Variants in COL28A1 observed in about 807,000 individuals in gnomAD.
COL28A1 encodes collagen type XXVIII alpha 1 chain, also known as collagen alpha-1(XXVIII) chain.
A neutral mutation model predicts 150.2 loss-of-function variants in COL28A1; 161 were observed. The observed-to-expected ratio is 1.07, with a 90% CI of 0.94 to 1.22. COL28A1 has a LOEUF of 1.22. COL28A1 is among the 50% of genes most tolerant of loss of function. The probability of loss-of-function intolerance (pLI) is 0.00; values close to 1 mark genes in which losing one functional copy is unlikely to be tolerated. For missense variants in COL28A1, 1,617 were observed against 1,388.3 expected (o/e 1.16, Z -2.62); for synonymous variants, 552 against 469.7 (o/e 1.18, Z -2.26).
At chr7:7,543,629 C>T in the COL28A1 span, among the ~76,000 whole-genome samples, 1 of 152,062 alleles carries the variant, frequency 6.6e-6, no homozygotes. Flanking sequence ...TACCACTATG[C>T]AGGATTTCCA....
chr7:7,542,378 G>T, the COL28A1 span, among the ~76,000 whole-genome samples: 1 of 152,164 alleles, frequency 6.6e-6, no homozygotes, highest in Middle Eastern at 3.2e-3. Flanking sequence ...AGAATGGGTA[G>T]ATGGGTAGAT....
rs565765667 is a variant in COL28A1 at position 7,390,878 on chromosome 7, C to G, written c.2137-9266G>C. ...TTTATTGCATCTATTTGATTCTTCT[C>G]TCTTTTATTGGTCCAGCTAGTGGTC... is the stretch of plus-strand genomic sequence containing the variant. On this transcript the variant is annotated intron_variant, in intron 27 of 34. Transcript: ENST00000399429. 3.1e-3 allele frequency among the ~76,000 whole-genome samples: 469 copies of G among 152,210 alleles called. 2 individuals carry two copies. Among genetic ancestry groups the G allele is most frequent in the Non-Finnish European group, 5.7e-3 (385 of 67,994 alleles).
Position 7,417,923 on chromosome 7 carries a change from T to A in COL28A1, c.2072A>T (p.Asp691Val), listed in dbSNP as rs367822274. 116 of 1,607,506 alleles carry A rather than the reference T, an allele frequency of 7.2e-5. No individual in the cohort carries two copies. The highest frequency in any genetic ancestry group is 7.0e-5 in the Non-Finnish European group (83 of 1,178,058). The change falls in exon 27 of 35, where the codon GAT becomes GTT. Residue 691 changes from aspartate to valine, a missense_variant. Transcript: ENST00000399429. ...GCCAGGCAAGCCTTTCTGCCCAGTA[T>A]CACCCTGTTAGAAGATGGGGAGAAT... ...RGVGTQGPKG[D>V]TGQKGLPGPP...
At position 7,531,559 on chromosome 7, in the gene COL28A1, A is replaced by G. The variant is rs1782355933; in HGVS notation, c.470T>C (p.Leu157Ser). ...ATGGTCGATGCCATCAGTCATCAGC[A>G]AAACCACTTTCACACCATCCTTACG... ...EGRKDGVKVV[L>S]LMTDGIDHPK... The change falls in exon 3 of 35, where the codon TTG becomes TCG. Residue 157 changes from leucine (L) to serine (S), a missense_variant. Leu to Ser is a moderately radical substitution (Grantham distance 145, BLOSUM62 -2). Transcript: ENST00000399429. 1.2e-6 allele frequency: 2 copies of G among 1,609,778 alleles called. No homozygotes were observed. Among genetic ancestry groups the G allele is most frequent in the Admixed American group, 3.3e-5 (2 of 59,976 alleles).
At chr7:7,357,635 G>A (rs1465085472), downstream of COL28A1, 1 of 146,802 alleles carries the variant, frequency 6.8e-6, no homozygotes, top group African/African-American at 2.5e-5. Flanking sequence ...CTCCAGCCTG[G>A]ATGACAGAGC....
chr7:7,481,639 G>A (rs1779328967), intron 13 of COL28A1, among the ~76,000 whole-genome samples: 1 of 152,120 alleles, frequency 6.6e-6, no homozygotes, highest in Non-Finnish European at 1.5e-5. Flanking sequence ...AACACAGCCT[G>A]ATCAGTGAAA....
Position 7,372,442 on chromosome 7 carries a change from T to TAAATAAATAAAA in COL28A1, c.2908+555_2908+556insTTTTATTTATTT, listed in dbSNP as rs1554260229. Reference sequence around the variant, plus strand: ...ATAAATAAATAAATAAATAAATAAATGGTTGTTCTTTTGAGATAAATTCCC... The same window carrying TAAATAAATAAAA: ...ATAAATAAATAAATAAATAAATAAATAAATAAATAAAAGGTTGTTCTTTTGAGATAAATTCCC... On this transcript the variant is annotated intron_variant, in intron 32 of 34. Coordinates refer to ENST00000399429, the MANE Select transcript of COL28A1 (RefSeq NM_001037763.3). Among the ~76,000 whole-genome samples the TAAATAAATAAAA allele has an allele frequency of 2.7e-3, 382 of 143,896 alleles. 5 individuals are homozygous for TAAATAAATAAAA. Among genetic ancestry groups the TAAATAAATAAAA allele is most frequent in the African/African-American group, 0.011 (359 of 33,988 alleles). The allele number at this position is 143,896 out of a possible 152,430, so 94.4% of individuals were successfully genotyped here. A position where few individuals can be genotyped will look rare whatever the true frequency, so the allele number is the denominator to read the frequency against.
intron 25 of COL28A1, among the ~76,000 whole-genome samples, chr7:7,428,682 T>A (rs913526536): frequency 6.6e-6 from 1 of 152,114 alleles, no homozygotes; most frequent in African/African-American, 2.4e-5. Flanking sequence ...AGCCAGGAGA[T>A]TGGATCCAGG....
intron 3 of COL28A1, among the ~76,000 whole-genome samples, chr7:7,530,781 A>C (rs1002083903): frequency 6.6e-6 from 1 of 152,206 alleles, no homozygotes; most frequent in Non-Finnish European, 1.5e-5. Flanking sequence ...ATGATTTTAA[A>C]TTGGATGGGC....
At chr7:7,405,403 A>C (rs966401050) in intron 27 of COL28A1, among the ~76,000 whole-genome samples, 1 of 152,204 alleles carries the variant, frequency 6.6e-6, no homozygotes, top group Non-Finnish European at 1.5e-5. Flanking sequence ...CTGGCATAAT[A>C]ATCACAATGG....
intron 27 of COL28A1, among the ~76,000 whole-genome samples, chr7:7,383,682 G>GTATATATATATATATATATATATA (rs772285848): frequency 1.6e-5 from 2 of 124,096 alleles, no homozygotes; most frequent in Admixed American, 8.7e-5. Context: ...GTGTGTGTGT[G>GTATATATATATATATATATATATA]TATATATATA....
At chr7:7,380,489 G>T (rs1040926741) in intron 30 of COL28A1, among the ~76,000 whole-genome samples, 171 bp downstream of exon 30, 1 of 152,120 alleles carries the variant, frequency 6.6e-6, no homozygotes, top group African/African-American at 2.4e-5. Context: ...CTCATAGTCA[G>T]ATTCAATTAC....
chr7:7,411,389 C>G (rs1783782991), intron 27 of COL28A1, among the ~76,000 whole-genome samples: 1 of 152,176 alleles, frequency 6.6e-6, no homozygotes. Context: ...GCAAGGTGAG[C>G]TGACCCACCC....
chr7:7,436,667 G>C (rs971533622), intron 22 of COL28A1, among the ~76,000 whole-genome samples: 1 of 152,166 alleles, frequency 6.6e-6, no homozygotes, highest in Non-Finnish European at 1.5e-5. Flanking sequence ...TACTGCTGTT[G>C]GGAGAAAGTC....
chr7:7,431,810 G>T (rs974959169), intron 25 of COL28A1, among the ~76,000 whole-genome samples: 14 of 152,196 alleles, frequency 9.2e-5, no homozygotes, highest in African/African-American at 3.4e-4. Flanking sequence ...AGATGACATT[G>T]TCTGCCTGGC....
At chr7:7,527,582 G>A (rs1244727621) in intron 3 of COL28A1, among the ~76,000 whole-genome samples, 1 of 152,180 alleles carries the variant, frequency 6.6e-6, no homozygotes, top group East Asian at 1.9e-4. Flanking sequence ...GAAGCAGGCT[G>A]CAAGGAGAAC....
At chr7:7,352,102 C>G (rs558427190), downstream of COL28A1, among the ~76,000 whole-genome samples, 73 of 152,256 alleles carry the variant, frequency 4.8e-4, no homozygotes, top group African/African-American at 1.7e-3. Context: ...CTCTTAGTCT[C>G]CTTTTAAACT....
chr7:7,522,204 C>A, intron 4 of COL28A1: 1 of 502,198 alleles, frequency 2.0e-6, no homozygotes, highest in Non-Finnish European at 3.6e-6. Flanking sequence ...CAAGAGCTAG[C>A]TAACAAAATA....
intron 30 of COL28A1, among the ~76,000 whole-genome samples, chr7:7,375,834 G>A (rs552981410): frequency 2.0e-5 from 3 of 152,172 alleles, no homozygotes; most frequent in Non-Finnish European, 2.9e-5. Context: ...CATTAGCACA[G>A]GGTCTGGCAA....
Sources: allele counts gnomAD v4.1 joint callset (sites outside exome capture counted in the v4.1 genomes callset), GRCh38; gene constraint gnomAD v4.1.1; transcripts MANE v1.5; gene names NCBI Gene and HGNC (gene_info 2026-07-23, HGNC 2026-07-21).